Variants in TFCP2 observed in about 807,000 individuals in gnomAD.
The protein encoded by TFCP2 is transcription factor CP2.
TFCP2 carries 33 observed loss-of-function variants against 73.4 expected under a neutral mutation model. That is an observed-to-expected ratio of 0.45 (90% CI 0.34 to 0.60). The LOEUF is 0.60. TFCP2 is among the 20% of genes least tolerant of loss of function. TFCP2 has a pLI of 0.01. For missense variants in TFCP2, 352 were observed against 604.0 expected (o/e 0.58, Z 4.37); for synonymous variants, 193 against 211.6 (o/e 0.91, Z 0.76).
At position 51,099,727 on chromosome 12, in the gene TFCP2, T is replaced by A; in HGVS notation, c.1204A>T (p.Arg402Trp). 2 of 1,614,184 alleles carry A rather than the reference T, an allele frequency of 1.2e-6. No individual in the cohort carries two copies. The highest frequency in any genetic ancestry group is 1.7e-6 in the Non-Finnish European group (2 of 1,180,034). ...TGCTGCTGCTGTTGTTGCTGCTCCC[T>A]CAACTGCAGTGATTCCTGACAAACA... ...IYVCQESLQLREQQQQQQQQQ... is the reference protein window; with the variant it reads ...IYVCQESLQLWEQQQQQQQQQ... The change falls in exon 12 of 15, where the codon AGG becomes TGG. Residue 402 changes from arginine (R) to tryptophan (W), a missense_variant. Arg to Trp is a moderately radical substitution (Grantham distance 101). Transcript: ENST00000257915.
At position 51,159,345 on chromosome 12, in the gene TFCP2, TA is replaced by T. The variant is rs1398687332; in HGVS notation, c.122+12955del. On this transcript the variant is annotated intron_variant, in intron 1 of 14. Transcript: ENST00000257915. ...TTTCTTTTATTTTTAATTTATTTTT[TA>T]TTTTTTTTTGAGACCGAGTCTCGCT... Among the ~76,000 whole-genome samples, 41 of 150,100 alleles carry T rather than the reference TA, an allele frequency of 2.7e-4. No homozygotes were observed. In the South Asian group the frequency reaches 8.1e-3, roughly 30 times the overall value.
intron 1 of TFCP2, among the ~76,000 whole-genome samples, chr12:51,148,269 C>T (rs10783414): frequency 0.58 from 88,588 of 152,032 alleles, 26,680 homozygotes; most frequent in Non-Finnish European, 0.67. Context: ...TTTGATCCAG[C>T]AATCCCACTG....
chr12:51,142,336 T>G lies in TFCP2; in HGVS notation c.123-23564A>C, dbSNP rs1046715738. ...ATCAAATCTGTATTGAGTACCTGGC[T>G]GTCTATGATCCCTGTGAAGATCTCC... On this transcript the variant is annotated intron_variant, in intron 1 of 14. Coordinates refer to ENST00000257915, the MANE Select transcript of TFCP2 (RefSeq NM_005653.5). Among the ~76,000 whole-genome samples the G allele has an allele frequency of 2.6e-5, 4 of 152,026 alleles. No homozygotes were observed. The East Asian group carries it at 7.7e-4, about 29-fold the overall frequency.
chr12:51,098,413 G>T (rs978960876), intron 13 of TFCP2, among the ~76,000 whole-genome samples: 1 of 152,064 alleles, frequency 6.6e-6, no homozygotes, highest in Non-Finnish European at 1.5e-5. Flanking sequence ...ATCACTTGAG[G>T]CCAGGAGTTT....
At chr12:51,148,959 T>C (rs1423657483) in intron 1 of TFCP2, among the ~76,000 whole-genome samples, 1 of 127,358 alleles carries the variant, frequency 7.9e-6, no homozygotes, top group South Asian at 2.6e-4. Flanking sequence ...CAGGAGGTGA[T>C]GGCTGCAGTG....
chr12:51,102,065 T>G, intron 10 of TFCP2, 40 bp from the exon 11 acceptor site: 1 of 1,355,086 alleles, frequency 7.4e-7, no homozygotes, highest in Non-Finnish European at 1.1e-6. Flanking sequence ...AAGGCAAAGA[T>G]TCTCTTTGTT....
chr12:51,102,371 C>T (rs144879764), intron 10 of TFCP2, among the ~76,000 whole-genome samples: 4 of 152,010 alleles, frequency 2.6e-5, no homozygotes, highest in East Asian at 3.9e-4. Flanking sequence ...TGAGGCCAAT[C>T]GACTGTTAGG....
chr12:51,138,405 C>T (rs947589442), intron 1 of TFCP2, among the ~76,000 whole-genome samples: 1 of 152,136 alleles, frequency 6.6e-6, no homozygotes, highest in African/African-American at 2.4e-5. Context: ...GATCCAACCG[C>T]CTCGGCCTCC....
At position 51,110,523 on chromosome 12, in the gene TFCP2, G is replaced by GCAC. The variant is rs1324718704; in HGVS notation, c.564+351_564+353dup. Among the ~76,000 whole-genome samples, 4 of 152,138 alleles carry GCAC rather than the reference G, an allele frequency of 2.6e-5. No individual in the cohort carries two copies. The East Asian group carries it at 7.7e-4, about 29-fold the overall frequency. ...GCAGAGGTTGTAGTGAGCCGAGATTGCACCACTCCACTCCAGATTGGGAGA... is the reference window on the plus strand; with the variant it reads ...GCAGAGGTTGTAGTGAGCCGAGATTGCACCACCACTCCACTCCAGATTGGGAGA... On this transcript the variant is annotated intron_variant, in intron 5 of 14. Coordinates refer to ENST00000257915, the MANE Select transcript of TFCP2 (RefSeq NM_005653.5).
intron 7 of TFCP2, 106 bp from the exon 8 acceptor site, chr12:51,106,719 C>T (rs1940255258): frequency 2.4e-6 from 2 of 844,922 alleles, no homozygotes; most frequent in African/African-American, 3.4e-5. Context: ...AATCTTAATT[C>T]CTCAGAGACT....
At chr12:51,146,727 G>A (rs1366681245) in intron 1 of TFCP2, among the ~76,000 whole-genome samples, 1 of 152,106 alleles carries the variant, frequency 6.6e-6, no homozygotes, top group African/African-American at 2.4e-5. Context: ...CCTTCTTTCA[G>A]ATACCACCTT....
chr12:51,111,254 C>T (rs529319218), intron 4 of TFCP2, among the ~76,000 whole-genome samples: 2 of 152,216 alleles, frequency 1.3e-5, no homozygotes, highest in East Asian at 3.9e-4. Flanking sequence ...AACGATCCTC[C>T]TGCCTCTGCC....
chr12:51,140,445 C>CTTTTTTTTTTTTTTTTT (rs768526922), intron 1 of TFCP2, among the ~76,000 whole-genome samples: 36 of 88,034 alleles, frequency 4.1e-4, no homozygotes, highest in Non-Finnish European at 5.6e-4. Flanking sequence ...TTTTCTTTTT[C>CTTTTTTTTTTTTTTTTT]TTTTTTTTTT....
At chr12:51,140,804 G>T (rs1178064990) in intron 1 of TFCP2, among the ~76,000 whole-genome samples, 1 of 151,456 alleles carries the variant, frequency 6.6e-6, no homozygotes, top group Non-Finnish European at 1.5e-5. Flanking sequence ...ACCTGTAATC[G>T]CAGCATTTTG....
At chr12:51,101,232 G>A (rs1429923377) in intron 11 of TFCP2, among the ~76,000 whole-genome samples, 1 of 152,216 alleles carries the variant, frequency 6.6e-6, no homozygotes, top group African/African-American at 2.4e-5. Flanking sequence ...GTGAACCCGG[G>A]AGGTGGAGCT....
chr12:51,109,404 CT>C lies in TFCP2; in HGVS notation c.565-132del, dbSNP rs372690259. ...AATACCTACAAAAAACACTTTTCCTCTTTTTGATCTTGAAGAACTTACAATC... is the reference window on the plus strand; with the variant it reads ...AATACCTACAAAAAACACTTTTCCTCTTTTGATCTTGAAGAACTTACAATC... On this transcript the variant is annotated intron_variant, in intron 5 of 14. Coordinates refer to ENST00000257915, the MANE Select transcript of TFCP2 (RefSeq NM_005653.5). 402 of 835,612 alleles carry C rather than the reference CT, an allele frequency of 4.8e-4. 6 individuals carry two copies. The highest frequency in any genetic ancestry group is 4.5e-3 in the Middle Eastern group (18 of 3,974). 51.8% of individuals were successfully genotyped at this position (835,612 alleles called of 1,614,324 possible).
intron 1 of TFCP2, among the ~76,000 whole-genome samples, chr12:51,159,323 CTTTT>C (rs1472505747): frequency 6.6e-6 from 1 of 151,322 alleles, no homozygotes; most frequent in Non-Finnish European, 1.5e-5. Context: ...GCAATTCTTT[CTTTT>C]ATTTTTAATT....
At chr12:51,124,957 C>T (rs572756479) in intron 1 of TFCP2, 21 of 751,426 alleles carry the variant, frequency 2.8e-5, no homozygotes, top group South Asian at 2.1e-4. Context: ...TCCGTAAGGT[C>T]GTTGCTCACC....
At chr12:51,150,371 T>C (rs755600745) in intron 1 of TFCP2, among the ~76,000 whole-genome samples, 6 of 152,140 alleles carry the variant, frequency 3.9e-5, no homozygotes, top group Non-Finnish European at 5.9e-5. Context: ...TGAGCCGAGA[T>C]TGTGCCACTG....
Sources: gnomAD v4.1 joint callset for allele counts (sites outside exome capture counted in the v4.1 genomes callset) on GRCh38, gnomAD v4.1.1 for gene constraint, MANE v1.5 for transcripts, NCBI Gene and HGNC (gene_info 2026-07-23, HGNC 2026-07-21) for gene names.